LAMC1: variants seen among roughly 807,000 people sequenced by gnomAD.
The protein encoded by LAMC1 is laminin subunit gamma 1.
In LAMC1, 38 loss-of-function variants were observed where a neutral mutation model predicts 173.6. That is an observed-to-expected ratio of 0.22 (90% CI 0.17 to 0.29). The LOEUF is 0.29. Ranked by LOEUF, LAMC1 falls within the 10% of genes least tolerant of loss-of-function variation. The probability of loss-of-function intolerance (pLI) is 1.00; values close to 1 mark genes in which losing one functional copy is unlikely to be tolerated. For missense variants in LAMC1, 1,824 were observed against 2,051.8 expected (o/e 0.89, Z 2.14); for synonymous variants, 746 against 749.1 (o/e 1.00, Z 0.07).
chr1:183,061,626 G>A (rs1180576253), intron 1 of LAMC1, among the ~76,000 whole-genome samples: 1 of 151,812 alleles, frequency 6.6e-6, no homozygotes, highest in African/African-American at 2.4e-5. Context: ...AAGTTCTTTT[G>A]TTCATAGATT....
At chr1:183,134,113 A>C (rs764782211) in intron 22 of LAMC1, among the ~76,000 whole-genome samples, 1 of 151,968 alleles carries the variant, frequency 6.6e-6, no homozygotes, top group African/African-American at 2.4e-5. Flanking sequence ...TCATATCTGT[A>C]CTCTTAATCA....
At chr1:183,129,019 T>C (rs1656705125) in intron 18 of LAMC1, among the ~76,000 whole-genome samples, 1 of 152,086 alleles carries the variant, frequency 6.6e-6, no homozygotes, top group South Asian at 2.1e-4. Context: ...TCTGTTCTAT[T>C]ACAAGGTGTC....
intron 1 of LAMC1, among the ~76,000 whole-genome samples, chr1:183,037,908 A>G (rs1218599280): frequency 1.3e-5 from 2 of 152,168 alleles, no homozygotes; most frequent in Non-Finnish European, 2.9e-5. Context: ...TTTTAAAAAA[A>G]GTCAAAACTC....
At chr1:183,090,831 G>A (rs1017537837) in intron 1 of LAMC1, among the ~76,000 whole-genome samples, 1 of 152,178 alleles carries the variant, frequency 6.6e-6, no homozygotes, top group Non-Finnish European at 1.5e-5. Context: ...GGTGGGTATA[G>A]GAGGGGACAC....
Position 183,121,811 on chromosome 1 carries a change from T to A in LAMC1, c.2079T>A (p.Pro693=), listed in dbSNP as rs746315868. ...CTTGGGTGGAGTCCTGCACCTGTCC[T>A]GTGGGATATGGAGGGCAGTTTTGTG... ...PATWVESCTC[P]VGYGGQFCEM... is the part of the protein sequence containing the mutation. Residue 693 remains proline, a synonymous_variant, in exon 12 of 28, where the codon CCT becomes CCA. Coordinates refer to ENST00000258341, the MANE Select transcript of LAMC1 (RefSeq NM_002293.4). The A allele has an allele frequency of 6.2e-6, 10 of 1,614,070 alleles. No individual in the cohort carries two copies. Among genetic ancestry groups the A allele is most frequent in the Non-Finnish European group, 7.6e-6 (9 of 1,180,030 alleles).
chr1:183,030,373 G>A (rs988592371), intron 1 of LAMC1, among the ~76,000 whole-genome samples: 12 of 152,186 alleles, frequency 7.9e-5, no homozygotes, highest in Non-Finnish European at 1.3e-4. Context: ...TTCACTGACT[G>A]TTTGGGTGGA....
intron 13 of LAMC1, 31 bp downstream of exon 13, chr1:183,122,282 G>A: frequency 1.2e-6 from 2 of 1,603,048 alleles, no homozygotes; most frequent in East Asian, 2.2e-5. Flanking sequence ...TGCTTTCAGT[G>A]TTCCCTTCTA....
Position 183,128,748 on chromosome 1 carries a change from A to G in LAMC1, c.3278A>G (p.Lys1093Arg), listed in dbSNP as rs1467941320. The G allele has an allele frequency of 6.2e-7, 1 of 1,612,454 alleles. No individual in the cohort carries two copies. Among genetic ancestry groups the G allele is most frequent in the Non-Finnish European group, 8.5e-7 (1 of 1,178,922 alleles). ...MDLLREAQDV[K>R]DVDQNLMDRL... ...CTCCTTCGTGAGGCCCAGGATGTCAAAGGTACGCATGATTGAACAGTGCAT... is the reference window on the plus strand; with the variant it reads ...CTCCTTCGTGAGGCCCAGGATGTCAGAGGTACGCATGATTGAACAGTGCAT... The change falls in exon 18 of 28, where the codon AAA becomes AGA. Residue 1093 changes from lysine to arginine, a missense_variant and splice_region_variant. Physicochemically the swap from Lys to Arg is conservative, Grantham distance 26. Transcript: ENST00000258341.
chr1:183,043,465 A>C (rs1351613793), intron 1 of LAMC1, among the ~76,000 whole-genome samples: 1 of 152,210 alleles, frequency 6.6e-6, no homozygotes, highest in African/African-American at 2.4e-5. Flanking sequence ...AAACTACTGA[A>C]GACTATATAA....
chr1:183,138,819 C>T (rs1425774159), intron 26 of LAMC1, among the ~76,000 whole-genome samples: 2 of 151,964 alleles, frequency 1.3e-5, no homozygotes, highest in South Asian at 4.2e-4. Flanking sequence ...TTTGAGAGGC[C>T]GAGGTGGGTG....
At chr1:183,095,689 A>G (rs1655675067) in intron 1 of LAMC1, among the ~76,000 whole-genome samples, 2 of 152,150 alleles carry the variant, frequency 1.3e-5, no homozygotes, top group African/African-American at 2.4e-5. Context: ...AGCCCAGCTC[A>G]AGGACTTATT....
chr1:183,135,819 G>T (rs1005826291), intron 24 of LAMC1, among the ~76,000 whole-genome samples: 49 of 150,452 alleles, frequency 3.3e-4, no homozygotes, highest in Non-Finnish European at 5.5e-4. Flanking sequence ...GGCTCAGGAG[G>T]TCAAGGCTGC....
In LAMC1 at chr1:183,023,907, T is replaced by C; in HGVS notation, c.191T>C (p.Val64Ala). 1.9e-6 allele frequency: 3 copies of C among 1,613,122 alleles called. No individual in the cohort carries two copies. The highest frequency in any genetic ancestry group is 2.5e-6 in the Non-Finnish European group (3 of 1,179,894). Residue 64 changes from valine (V) to alanine (A), a missense_variant, in exon 1 of 28, where the codon GTG (valine) becomes GCG (alanine). Val to Ala is a moderately conservative substitution (Grantham distance 64). Transcript: ENST00000258341. The part of the protein sequence containing the change: ...FVNAAFNVTV[V>A]ATNTCGTPPE... ...AACGCCGCCTTCAACGTGACTGTGG[T>C]GGCCACCAACACGTGTGGGACTCCG...
chr1:183,064,565 C>T (rs1271274387), intron 1 of LAMC1, among the ~76,000 whole-genome samples: 1 of 151,854 alleles, frequency 6.6e-6, no homozygotes, highest in Non-Finnish European at 1.5e-5. Context: ...CAATTTTTAC[C>T]CAATTTTTGG....
chr1:183,111,258 T>G (rs1656143190), intron 4 of LAMC1, among the ~76,000 whole-genome samples: 1 of 152,058 alleles, frequency 6.6e-6, no homozygotes, highest in African/African-American at 2.4e-5. Flanking sequence ...AGCTAACTTT[T>G]GTGTTTTTAG....
intron 1 of LAMC1, among the ~76,000 whole-genome samples, chr1:183,099,125 G>A (rs1655768645): frequency 6.6e-6 from 1 of 151,842 alleles, no homozygotes; most frequent in African/African-American, 2.4e-5. Context: ...GTCTCGCTGT[G>A]TTGCCTAGGC....
At chr1:183,078,581 CAA>C (rs34274029) in intron 1 of LAMC1, among the ~76,000 whole-genome samples, 1 of 132,106 alleles carries the variant, frequency 7.6e-6, no homozygotes. Flanking sequence ...GACTCCGTCT[CAA>C]AAAAAAAAAA....
At chr1:183,085,729 C>T (rs1329484064) in intron 1 of LAMC1, among the ~76,000 whole-genome samples, 1 of 152,034 alleles carries the variant, frequency 6.6e-6, no homozygotes, top group Non-Finnish European at 1.5e-5. Flanking sequence ...TTACTGTAGG[C>T]ATTTAGTACT....
intron 1 of LAMC1, among the ~76,000 whole-genome samples, chr1:183,079,289 C>T (rs1222941713): frequency 1.8e-5 from 2 of 111,596 alleles, no homozygotes; most frequent in East Asian, 3.1e-4. Flanking sequence ...GAGTCTCACT[C>T]TGTCACCCAG....
Sources: gnomAD v4.1 joint callset for allele counts (sites outside exome capture counted in the v4.1 genomes callset) on GRCh38, gnomAD v4.1.1 for gene constraint, MANE v1.5 for transcripts, NCBI Gene and HGNC (gene_info 2026-07-23, HGNC 2026-07-21) for gene names.